Variants in NOL4L observed in about 807,000 individuals in gnomAD.
NOL4L encodes the protein nucleolar protein 4 like.
NOL4L carries 7 observed loss-of-function variants against 64.5 expected under a neutral mutation model. The observed-to-expected ratio is 0.11, with a 90% CI of 0.06 to 0.20. The LOEUF (loss-of-function observed/expected upper bound fraction) is 0.20. Ranked by LOEUF, NOL4L falls within the 10% of genes least tolerant of loss-of-function variation. The pLI is 1.00. For synonymous variants in NOL4L, 413 were observed against 401.0 expected (o/e 1.03, Z -0.36); for missense variants, 680 against 967.1 (o/e 0.70, Z 3.94).
chr20:32,488,896 C>CT (rs1568649710), intron 4 of NOL4L, among the ~76,000 whole-genome samples: 1 of 116,540 alleles, frequency 8.6e-6, no homozygotes, highest in East Asian at 2.4e-4. Context: ...TCTTTCTTTC[C>CT]TCTCTCTTTC....
intron 1 of NOL4L, among the ~76,000 whole-genome samples, chr20:32,548,162 T>C (rs2018755321): frequency 6.6e-6 from 1 of 152,212 alleles, no homozygotes; most frequent in South Asian, 2.1e-4. Context: ...GAGAAGCAAG[T>C]TGCCCAAAGA....
At chr20:32,525,069 C>T (rs2018081310) in intron 2 of NOL4L, among the ~76,000 whole-genome samples, 1 of 152,200 alleles carries the variant, frequency 6.6e-6, no homozygotes, top group South Asian at 2.1e-4. Flanking sequence ...CCAGGCTGGG[C>T]AGCGGGAAGT....
intron 4 of NOL4L, among the ~76,000 whole-genome samples, chr20:32,479,583 T>G (rs1293627075): frequency 6.6e-6 from 1 of 151,952 alleles, no homozygotes; most frequent in African/African-American, 2.4e-5. Context: ...AAAAAAAAAG[T>G]GTGTGCAATC....
At chr20:32,475,128 C>T (rs1029389999) in intron 4 of NOL4L, 84 of 985,332 alleles carry the variant, frequency 8.5e-5, no homozygotes, top group Non-Finnish European at 9.6e-5. Context: ...CAGGACCCGG[C>T]GGCAAGAAGC....
At chr20:32,580,527 A>T (rs757198617) in intron 1 of NOL4L, among the ~76,000 whole-genome samples, 1 of 152,136 alleles carries the variant, frequency 6.6e-6, no homozygotes, top group African/African-American at 2.4e-5. Flanking sequence ...GGAAAAGACC[A>T]CCATTAGTCA....
chr20:32,540,855 T>C lies in NOL4L; in HGVS notation c.322-12942A>G, dbSNP rs371678099. 1.3e-4 allele frequency among the ~76,000 whole-genome samples: 20 copies of C among 152,178 alleles called. No homozygotes were observed. The East Asian group carries it at 2.3e-3, about 18-fold the overall frequency. ...GAACACCTGGCACACATTATCTCCC[T>C]GAGCCCTTGTCCAAGTCCCCAGCAG... is the stretch of plus-strand genomic sequence containing the variant. On this transcript the variant is annotated intron_variant, in intron 1 of 10. Transcript: ENST00000621426.
chr20:32,457,763 G>A (rs952251869), intron 5 of NOL4L, among the ~76,000 whole-genome samples: 4 of 152,110 alleles, frequency 2.6e-5, no homozygotes, highest in Admixed American at 6.5e-5. Flanking sequence ...CCATCCTCCC[G>A]CAGGGCAGCT....
intron 1 of NOL4L, among the ~76,000 whole-genome samples, chr20:32,552,948 A>C (rs931614029): frequency 1.3e-5 from 2 of 152,188 alleles, no homozygotes; most frequent in African/African-American, 4.8e-5. Context: ...GGCTGCAGGA[A>C]GCTAAGATTA....
At position 32,453,908 on chromosome 20, in the gene NOL4L, A is replaced by G; in HGVS notation, c.1120-147T>C. The G allele has an allele frequency of 1.5e-6, 1 of 686,928 alleles. No individual in the cohort carries two copies. Among genetic ancestry groups the G allele is most frequent in the Non-Finnish European group, 2.5e-6 (1 of 407,770 alleles). The allele number at this position is 686,928 out of a possible 1,614,324, so 42.6% of individuals were successfully genotyped here. On this transcript the variant is annotated intron_variant, in intron 6 of 10. Coordinates refer to ENST00000621426, the MANE Select transcript of NOL4L (RefSeq NM_001256798.2). The surrounding 1 kb of genome is among the most constrained non-coding windows in gnomAD (Gnocchi z 5.6). ...ATAGCTGCGAGGCCCTGAGCAAGTC[A>G]CTCCCCTCTTCTGCTCCCTTCATCT...
intron 4 of NOL4L, among the ~76,000 whole-genome samples, chr20:32,486,234 G>A (rs1391540719): frequency 6.6e-6 from 1 of 152,106 alleles, no homozygotes; most frequent in African/African-American, 2.4e-5. Flanking sequence ...GTGTCCTTGT[G>A]CCACTCCCCC....
intron 5 of NOL4L, among the ~76,000 whole-genome samples, chr20:32,458,074 GCTC>G (rs2013722612): frequency 6.6e-6 from 1 of 152,188 alleles, no homozygotes; most frequent in Non-Finnish European, 1.5e-5. Context: ...AACCAGACCA[GCTC>G]CTCATGCAGC....
intron 1 of NOL4L, among the ~76,000 whole-genome samples, chr20:32,557,176 T>A (rs1259609502): frequency 3.9e-5 from 6 of 152,190 alleles, no homozygotes; most frequent in Non-Finnish European, 4.4e-5. Context: ...GCTCATTGCA[T>A]AAAGTGGGGT....
intron 1 of NOL4L, among the ~76,000 whole-genome samples, chr20:32,557,030 A>T (rs958875751): frequency 5.9e-5 from 9 of 152,014 alleles, no homozygotes; most frequent in African/African-American, 2.2e-4. Context: ...CAGCCAAGGA[A>T]CTCCGTCTCC....
At chr20:32,534,883 A>C in intron 1 of NOL4L, among the ~76,000 whole-genome samples, 1 of 129,494 alleles carries the variant, frequency 7.7e-6, no homozygotes, top group East Asian at 2.0e-4. Context: ...CCCCATCTCA[A>C]AAAAAAAAAA....
intron 3 of NOL4L, among the ~76,000 whole-genome samples, chr20:32,518,449 C>T (rs1232639385): frequency 2.0e-5 from 3 of 152,260 alleles, no homozygotes; most frequent in Non-Finnish European, 2.9e-5. Context: ...CAGAAGCCCA[C>T]AGATGAGGAG....
intron 3 of NOL4L, among the ~76,000 whole-genome samples, chr20:32,516,042 C>T (rs1387079544): frequency 6.6e-6 from 1 of 152,186 alleles, no homozygotes; most frequent in Non-Finnish European, 1.5e-5. Flanking sequence ...CAAACCTCAA[C>T]CATGGGAGTG....
In NOL4L at chr20:32,510,000, G is replaced by A. The variant is rs2017323303; in HGVS notation, c.699+1347C>T. The A allele has an allele frequency of 2.4e-6, 3 of 1,226,522 alleles. No individual in the cohort carries two copies. In the Admixed American group the frequency reaches 6.9e-5, roughly 28 times the overall value. 76.0% of individuals were successfully genotyped at this position (1,226,522 alleles called of 1,614,324 possible). The stretch of plus-strand genomic sequence containing the variant: ...TGGCAGTGAGAGGAGACCTAATGCA[G>A]AGGCTGCACAGTGGTGCTGGGATTC... On this transcript the variant is annotated intron_variant, in intron 4 of 10. Transcript: ENST00000621426.
At chr20:32,458,840 C>T (rs1290550561) in intron 5 of NOL4L, among the ~76,000 whole-genome samples, 1 of 152,242 alleles carries the variant, frequency 6.6e-6, no homozygotes. Context: ...ATCCCATCAT[C>T]CCACCACCCA....
intron 5 of NOL4L, among the ~76,000 whole-genome samples, chr20:32,465,786 G>T (rs919236115): frequency 5.9e-5 from 9 of 152,214 alleles, no homozygotes; most frequent in Non-Finnish European, 8.8e-5. Context: ...AACGCGGCCT[G>T]GTCACTTCCT....
Sources: gnomAD v4.1 joint callset for allele counts (sites outside exome capture counted in the v4.1 genomes callset) on GRCh38, gnomAD v4.1.1 for gene constraint, Gnocchi (gnomAD v3.1) non-coding constraint, MANE v1.5 for transcripts, NCBI Gene and HGNC (gene_info 2026-07-23, HGNC 2026-07-21) for gene names.